The following SLC25A21 variants were observed in gnomAD, a reference collection of about 807,000 sequenced individuals.
SLC25A21 encodes solute carrier family 25 member 21, also known as mitochondrial 2-oxodicarboxylate carrier.
Under a neutral mutation model 43.8 loss-of-function variants are expected in SLC25A21, and 47 were observed. That is an observed-to-expected ratio of 1.07 (90% CI 0.85 to 1.37). SLC25A21 has a LOEUF of 1.37. Ranked by LOEUF, SLC25A21 falls within the 40% of genes most tolerant of loss-of-function variation. The pLI is 0.00. For synonymous variants in SLC25A21, 131 were observed against 121.3 expected (o/e 1.08, Z -0.52); for missense variants, 352 against 350.2 (o/e 1.00, Z -0.04).
At chr14:37,102,126 G>T (rs563416901) in intron 1 of SLC25A21, among the ~76,000 whole-genome samples, 1 of 152,096 alleles carries the variant, frequency 6.6e-6, no homozygotes, top group Non-Finnish European at 1.5e-5. Flanking sequence ...ACTGGAAACT[G>T]CATTTGTTCA....
At position 36,786,038 on chromosome 14, in the gene SLC25A21, A is replaced by T. The variant is rs1482919394; in HGVS notation, c.203+27880T>A. Among the ~76,000 whole-genome samples the T allele has an allele frequency of 5.3e-5, 8 of 152,226 alleles. No individual in the cohort carries two copies. In the South Asian group the frequency reaches 1.7e-3, roughly 31 times the overall value. ...GGACAAATGTGATATTCCTAGTCAG[A>T]TCCTGCCCATGGGTTTGATCCTTGG... On this transcript the variant is annotated intron_variant, in intron 3 of 9. Coordinates refer to ENST00000331299, the MANE Select transcript of SLC25A21 (RefSeq NM_030631.4).
intron 2 of SLC25A21, among the ~76,000 whole-genome samples, chr14:36,829,423 T>C (rs552794776): frequency 1.3e-5 from 2 of 152,126 alleles, no homozygotes; most frequent in Non-Finnish European, 2.9e-5. Flanking sequence ...ACTGTTCCCA[T>C]CAAGGAGACT....
At chr14:36,846,123 A>T (rs1358866877) in intron 2 of SLC25A21, among the ~76,000 whole-genome samples, 1 of 152,200 alleles carries the variant, frequency 6.6e-6, no homozygotes, top group Admixed American at 6.5e-5. Flanking sequence ...CCCAAACCAC[A>T]TTACTTCGCC....
At chr14:36,834,434 C>T (rs563376649) in intron 2 of SLC25A21, among the ~76,000 whole-genome samples, 2 of 152,302 alleles carry the variant, frequency 1.3e-5, no homozygotes, top group Non-Finnish European at 2.9e-5. Flanking sequence ...TTAAGCCTTT[C>T]TGTTTCTTTA....
At chr14:37,099,286 G>A (rs140666476) in intron 1 of SLC25A21, among the ~76,000 whole-genome samples, 236 of 151,928 alleles carry the variant, frequency 1.6e-3, no homozygotes, top group African/African-American at 5.2e-3. Context: ...CTCCTGGGGC[G>A]ACCATCAGAG....
At chr14:37,107,683 G>A (rs898501478) in intron 1 of SLC25A21, among the ~76,000 whole-genome samples, 21 of 152,060 alleles carry the variant, frequency 1.4e-4, no homozygotes, top group Non-Finnish European at 8.8e-5. Flanking sequence ...CCATTTCACT[G>A]AAAAAGAAAC....
At chr14:37,134,747 G>T (rs1803018602) in intron 1 of SLC25A21, among the ~76,000 whole-genome samples, 1 of 151,874 alleles carries the variant, frequency 6.6e-6, no homozygotes, top group Non-Finnish European at 1.5e-5. Flanking sequence ...TTGAAATATA[G>T]GGAGTTACCA....
chr14:37,045,343 A>G (rs761955390), intron 1 of SLC25A21, among the ~76,000 whole-genome samples: 37 of 152,318 alleles, frequency 2.4e-4, no homozygotes, highest in Non-Finnish European at 4.4e-4. Flanking sequence ...AGATCCTATA[A>G]CATTTCTGTA....
At chr14:36,897,847 C>G (rs559990790) in intron 1 of SLC25A21, among the ~76,000 whole-genome samples, 1 of 152,278 alleles carries the variant, frequency 6.6e-6, no homozygotes, top group East Asian at 1.9e-4. Flanking sequence ...TGCAGAACAG[C>G]AGATATGGGT....
intron 1 of SLC25A21, among the ~76,000 whole-genome samples, chr14:36,969,893 C>T (rs1959711448): frequency 6.6e-6 from 1 of 151,992 alleles, no homozygotes; most frequent in Non-Finnish European, 1.5e-5. Flanking sequence ...TCCTGCTCTC[C>T]CAGGTAAAAT....
At chr14:36,835,022 AAATC>A (rs1340164527) in intron 2 of SLC25A21, among the ~76,000 whole-genome samples, 1 of 152,228 alleles carries the variant, frequency 6.6e-6, no homozygotes, top group Non-Finnish European at 1.5e-5. Flanking sequence ...AAGTAAACAA[AAATC>A]AATTTCCTAG....
intron 1 of SLC25A21, among the ~76,000 whole-genome samples, chr14:37,035,011 A>G (rs1417839348): frequency 6.6e-6 from 1 of 152,250 alleles, no homozygotes; most frequent in Non-Finnish European, 1.5e-5. Context: ...CATCCTTAAT[A>G]GTAGCCCTGT....
At position 36,838,948 on chromosome 14, in the gene SLC25A21, C is replaced by T. The variant is rs115999110; in HGVS notation, c.120-24947G>A. On this transcript the variant is annotated intron_variant, in intron 2 of 9. Transcript: ENST00000331299. ...TTAGTATCATTATCTTGTTCAACAC[C>T]CCAATTAATGTGGAGTGTGCATTCC... Among the ~76,000 whole-genome samples, 1,356 of 152,172 alleles carry T rather than the reference C, an allele frequency of 8.9e-3. 14 individuals are homozygous for T. Among genetic ancestry groups the T allele is most frequent in the African/African-American group, 0.03 (1,251 of 41,518 alleles).
chr14:36,746,660 C>T (rs2139250943), intron 3 of SLC25A21, among the ~76,000 whole-genome samples: 1 of 152,282 alleles, frequency 6.6e-6, no homozygotes, highest in Admixed American at 6.5e-5. Context: ...AAATTCCTTG[C>T]TCCATTCTGA....
chr14:36,937,389 G>A (rs759370929), intron 1 of SLC25A21, among the ~76,000 whole-genome samples: 8 of 152,186 alleles, frequency 5.3e-5, no homozygotes, highest in South Asian at 2.1e-4. Flanking sequence ...ACATGCTTAC[G>A]CTTAACCATA....
rs561833204 is a variant in SLC25A21 at position 36,808,526 on chromosome 14, A to G, written c.203+5392T>C. ...ATCAAAGACTTCAGAATAGCCATTTAAAGATTAGCCATTCACAGCCATTAT... is the reference window on the plus strand; with the variant it reads ...ATCAAAGACTTCAGAATAGCCATTTGAAGATTAGCCATTCACAGCCATTAT... On this transcript the variant is annotated intron_variant, in intron 3 of 9. Coordinates refer to ENST00000331299, the MANE Select transcript of SLC25A21 (RefSeq NM_030631.4). Among the ~76,000 whole-genome samples the G allele has an allele frequency of 5.9e-5, 9 of 152,314 alleles. No individual in the cohort carries two copies. In the South Asian group the frequency reaches 1.9e-3, roughly 32 times the overall value.
chr14:36,708,745 T>C (rs1021950482), intron 7 of SLC25A21, among the ~76,000 whole-genome samples: 3 of 23,812 alleles, frequency 1.3e-4, no homozygotes, highest in African/African-American at 7.9e-4. Flanking sequence ...CTAACGTTAG[T>C]TTTTTTTTTT....
intron 1 of SLC25A21, among the ~76,000 whole-genome samples, chr14:36,974,043 T>C (rs1959814705): frequency 6.6e-6 from 1 of 152,186 alleles, no homozygotes; most frequent in Non-Finnish European, 1.5e-5. Context: ...AAGAGCAACA[T>C]TTTAATAAAA....
intron 3 of SLC25A21, among the ~76,000 whole-genome samples, chr14:36,770,423 T>C (rs1292212955): frequency 6.6e-6 from 1 of 152,054 alleles, no homozygotes; most frequent in Non-Finnish European, 1.5e-5. Flanking sequence ...GATAATATGC[T>C]CACTACCTGG....
Sources: allele counts gnomAD v4.1 joint callset (sites outside exome capture counted in the v4.1 genomes callset), GRCh38; gene constraint gnomAD v4.1.1; transcripts MANE v1.5; gene names NCBI Gene and HGNC (gene_info 2026-07-23, HGNC 2026-07-21).